The following ATL2 variants were observed in gnomAD, a reference collection of about 807,000 sequenced individuals.
ATL2 encodes the protein atlastin GTPase 2, also known as atlastin-2.
ATL2 carries 31 observed loss-of-function variants against 73.9 expected under a neutral mutation model. The observed-to-expected ratio is 0.42, with a 90% confidence interval of 0.32 to 0.57. The LOEUF (loss-of-function observed/expected upper bound fraction) is 0.57. Among genes scored for constraint, ATL2 ranks in the 20% least tolerant of loss-of-function variants. The pLI, the probability that ATL2 is intolerant of heterozygous loss-of-function variation, is 0.14. For missense variants in ATL2, 738 were observed against 702.6 expected (o/e 1.05, Z -0.57); for synonymous variants, 291 against 237.5 (o/e 1.23, Z -2.07).
chr2:38,355,125 G>T (rs1670583122), intron 1 of ATL2, among the ~76,000 whole-genome samples: 1 of 152,040 alleles, frequency 6.6e-6, no homozygotes, highest in African/African-American at 2.4e-5. Context: ...ACTATATACT[G>T]TATTTCTTTG....
At chr2:38,305,979 TAAAC>T (rs1341587321) in intron 9 of ATL2, among the ~76,000 whole-genome samples, 3 of 151,748 alleles carry the variant, frequency 2.0e-5, no homozygotes, top group East Asian at 1.9e-4. Context: ...TTTAAAAAGA[TAAAC>T]AAAGTCAACA....
intron 1 of ATL2, among the ~76,000 whole-genome samples, chr2:38,352,883 G>A (rs552681998): frequency 4.7e-4 from 71 of 152,328 alleles, no homozygotes; most frequent in African/African-American, 1.7e-3. Flanking sequence ...GTCCCACTAA[G>A]TTAGGGAGAT....
chr2:38,365,134 TACACACACACACACACACACACAC>T (rs541325892), intron 1 of ATL2, among the ~76,000 whole-genome samples: 1 of 132,686 alleles, frequency 7.5e-6, no homozygotes, highest in African/African-American at 2.7e-5. Flanking sequence ...AAGGGAATCA[TACACACACACACACACACACACAC>T]ACACACAAAT....
At chr2:38,345,587 G>A in intron 1 of ATL2, among the ~76,000 whole-genome samples, 1 of 152,168 alleles carries the variant, frequency 6.6e-6, no homozygotes, top group East Asian at 1.9e-4. Flanking sequence ...TTAGTTAAAG[G>A]GGACATTATC....
chr2:38,376,671 T>C (rs1671987775), intron 1 of ATL2: 1 of 152,384 alleles, frequency 6.6e-6, no homozygotes, highest in African/African-American at 2.4e-5. Flanking sequence ...GGGCCCATCA[T>C]GCCCTGGCCA....
At chr2:38,336,064 G>T (rs1453938670) in intron 2 of ATL2, among the ~76,000 whole-genome samples, 1 of 152,092 alleles carries the variant, frequency 6.6e-6, no homozygotes, top group African/African-American at 2.4e-5. Flanking sequence ...AAGACCCAAG[G>T]AAGCAGCATT....
intron 4 of ATL2, among the ~76,000 whole-genome samples, chr2:38,317,991 T>G (rs1668116068): frequency 6.6e-6 from 1 of 152,154 alleles, no homozygotes; most frequent in African/African-American, 2.4e-5. Context: ...TTTTTTTCCC[T>G]TCAATCAAAA....
At chr2:38,369,976 C>T (rs1407435319) in intron 1 of ATL2, among the ~76,000 whole-genome samples, 1 of 148,438 alleles carries the variant, frequency 6.7e-6, no homozygotes, top group African/African-American at 2.5e-5. Context: ...ACGGTGAAAC[C>T]CCGTCTCTAC....
At chr2:38,329,300 C>A (rs370315309) in intron 2 of ATL2, among the ~76,000 whole-genome samples, 1 of 150,030 alleles carries the variant, frequency 6.7e-6, no homozygotes, top group Admixed American at 6.7e-5. Context: ...TGGTGGTGGG[C>A]GCCTGTAATC....
intron 1 of ATL2, among the ~76,000 whole-genome samples, chr2:38,361,545 G>A (rs1671016405): frequency 6.6e-6 from 1 of 152,048 alleles, no homozygotes; most frequent in Non-Finnish European, 1.5e-5. Context: ...AAGGGTAAAA[G>A]AGAAAGGTTA....
chr2:38,337,394 G>A (rs548728443), intron 2 of ATL2, among the ~76,000 whole-genome samples: 76 of 145,528 alleles, frequency 5.2e-4, no homozygotes, highest in African/African-American at 1.9e-3. Flanking sequence ...GCTGAGGCAG[G>A]AGAATTGCTT....
chr2:38,342,516 G>A (rs1669783130), intron 2 of ATL2, among the ~76,000 whole-genome samples: 1 of 152,220 alleles, frequency 6.6e-6, no homozygotes, highest in Admixed American at 6.5e-5. Context: ...GACATATGAA[G>A]GGCAAGAGAT....
chr2:38,308,528 T>C (rs1390534045), intron 9 of ATL2, among the ~76,000 whole-genome samples: 3 of 152,092 alleles, frequency 2.0e-5, no homozygotes, highest in Admixed American at 6.5e-5. Context: ...GAATAAGATC[T>C]AGTATTTGAT....
intron 2 of ATL2, among the ~76,000 whole-genome samples, chr2:38,333,921 T>A (rs777477184): frequency 1.3e-5 from 2 of 151,924 alleles, no homozygotes; most frequent in Non-Finnish European, 2.9e-5. Context: ...AAAACCTGCA[T>A]AGGGAAGAAT....
chr2:38,295,955 G>GAAA lies in ATL2; in HGVS notation c.*36_*38dup. 1 of 1,408,052 alleles carries GAAA rather than the reference G, an allele frequency of 7.1e-7. No homozygotes were observed. 87.2% of individuals were successfully genotyped at this position (1,408,052 alleles called of 1,614,324 possible). A position where few individuals can be genotyped will look rare whatever the true frequency, so the allele number is the denominator to read the frequency against. Reference sequence around the variant, plus strand: ...TGAGTTCTCATTGTACAGCAAGCATGAAAAAAAAAGAGAGTGGAGTCCGTG... The same window carrying GAAA: ...TGAGTTCTCATTGTACAGCAAGCATGAAAAAAAAAAAAGAGAGTGGAGTCCGTG... On this transcript the variant is annotated 3_prime_UTR_variant, in exon 13 of 13. Transcript: ENST00000378954.
chr2:38,341,339 T>G, intron 2 of ATL2, among the ~76,000 whole-genome samples: 1 of 152,156 alleles, frequency 6.6e-6, no homozygotes, highest in East Asian at 1.9e-4. Flanking sequence ...AGATCAAGTC[T>G]AAATAGGAAA....
intron 9 of ATL2, among the ~76,000 whole-genome samples, chr2:38,308,899 G>A (rs1278645250): frequency 6.6e-6 from 1 of 151,534 alleles, no homozygotes; most frequent in Non-Finnish European, 1.5e-5. Flanking sequence ...CAGCGGTCTT[G>A]TTCTGGCAGG....
rs775486432 is a variant in ATL2, at chr2:38,377,261, C to T, written c.-1G>A. The stretch of plus-strand genomic sequence containing the variant: ...GCGCTGCCTCGTCCCCCTCCGCCAT[C>T]TTGTACCGATTTAAAATTAACTCCC... On this transcript the variant is annotated 5_prime_UTR_variant, in exon 1 of 13. Coordinates refer to ENST00000378954, the MANE Select transcript of ATL2 (RefSeq NM_001135673.4). The T allele has an allele frequency of 2.2e-5, 34 of 1,572,634 alleles. No homozygotes were observed. The highest frequency in any genetic ancestry group is 2.7e-5 in the Non-Finnish European group (31 of 1,159,284).
At chr2:38,344,672 T>C (rs184740639) in intron 1 of ATL2, among the ~76,000 whole-genome samples, 2 of 152,118 alleles carry the variant, frequency 1.3e-5, no homozygotes, top group East Asian at 1.9e-4. Context: ...AGGGGAAAAT[T>C]AGGGTTCTAA....
Sources: gnomAD v4.1 joint callset for allele counts (sites outside exome capture counted in the v4.1 genomes callset) on GRCh38, gnomAD v4.1.1 for gene constraint, MANE v1.5 for transcripts, NCBI Gene and HGNC (gene_info 2026-07-23, HGNC 2026-07-21) for gene names.